The following IRAK3 variants were observed in gnomAD, a reference collection of about 807,000 sequenced individuals.
IRAK3 encodes the protein interleukin 1 receptor associated kinase 3.
IRAK3 carries 57 observed loss-of-function variants against 56.6 expected under a neutral mutation model. The ratio of observed to expected loss-of-function variants is 1.01; its 90% confidence interval spans 0.81 to 1.26. The LOEUF (loss-of-function observed/expected upper bound fraction) is 1.26, where lower values mean the gene tolerates loss of function less well. IRAK3 is among the 50% of genes most tolerant of loss of function. The pLI, the probability that IRAK3 is intolerant of heterozygous loss-of-function variation, is 0.00. For synonymous variants in IRAK3, 258 were observed against 255.7 expected (o/e 1.01, Z -0.09); for missense variants, 703 against 719.0 (o/e 0.98, Z 0.25).
intron 8 of IRAK3, chr12:66,234,389 T>C: frequency 6.2e-7 from 1 of 1,611,906 alleles, no homozygotes; most frequent in Non-Finnish European, 8.5e-7. Flanking sequence ...AGAAGGACTT[T>C]GCACCTGGTA....
chr12:66,225,814 G>A (rs1335001747), intron 6 of IRAK3, among the ~76,000 whole-genome samples: 3 of 152,016 alleles, frequency 2.0e-5, no homozygotes, highest in South Asian at 4.1e-4. Context: ...TCAATGGTAT[G>A]TTCTCAACAT....
At chr12:66,227,572 C>CT (rs1227259934) in intron 7 of IRAK3, among the ~76,000 whole-genome samples, 1 of 126,434 alleles carries the variant, frequency 7.9e-6, no homozygotes, top group African/African-American at 3.3e-5. Flanking sequence ...GAGCGAGACT[C>CT]TGTCATAAAT....
intron 11 of IRAK3, among the ~76,000 whole-genome samples, chr12:66,245,620 C>T (rs932013945): frequency 1.4e-5 from 2 of 147,792 alleles, no homozygotes; most frequent in African/African-American, 5.0e-5. Flanking sequence ...CAACCTCCAC[C>T]TCCCCAGTTC....
intron 7 of IRAK3, among the ~76,000 whole-genome samples, chr12:66,227,143 G>C (rs1274355761): frequency 3.9e-5 from 6 of 152,108 alleles, no homozygotes; most frequent in Non-Finnish European, 8.8e-5. Context: ...TGTACCTCCA[G>C]TGAGTTGGCA....
intron 7 of IRAK3, among the ~76,000 whole-genome samples, chr12:66,227,837 C>T (rs1313744559): frequency 6.6e-6 from 1 of 151,386 alleles, no homozygotes; most frequent in Non-Finnish European, 1.5e-5. Context: ...CATGATTCCT[C>T]GTTAGATGTC....
At chr12:66,212,857 A>G (rs2052626185) in intron 5 of IRAK3, among the ~76,000 whole-genome samples, 1 of 152,062 alleles carries the variant, frequency 6.6e-6, no homozygotes, top group African/African-American at 2.4e-5. Flanking sequence ...GGGGAGGGGA[A>G]CATCACACAC....
intron 5 of IRAK3, among the ~76,000 whole-genome samples, chr12:66,215,453 C>A (rs953535044): frequency 2.0e-5 from 3 of 152,136 alleles, no homozygotes; most frequent in African/African-American, 7.2e-5. Flanking sequence ...GCAATAGCAT[C>A]AAAGCATTAC....
chr12:66,246,599 G>T (rs780558590), intron 11 of IRAK3, among the ~76,000 whole-genome samples: 3 of 152,234 alleles, frequency 2.0e-5, no homozygotes, highest in Non-Finnish European at 2.9e-5. Context: ...TGGAAGCCCG[G>T]AGATCCGGTG....
intron 2 of IRAK3, among the ~76,000 whole-genome samples, chr12:66,204,778 GCACA>G (rs59511601): frequency 0.048 from 7,060 of 147,768 alleles, 172 homozygotes; most frequent in African/African-American, 0.064. Flanking sequence ...GAGCCCTTGC[GCACA>G]CACACACACA....
rs1297101700 is a variant in IRAK3, at chr12:66,248,095, G to T, written c.1715G>T (p.Cys572Phe). 6.2e-7 allele frequency: 1 copy of T among 1,602,536 alleles called. No homozygotes were observed. The highest frequency in any genetic ancestry group is 1.1e-5 in the South Asian group (1 of 89,626). The stretch of plus-strand genomic sequence containing the variant: ...TCTTCAGAAGCTCCAGGGCATTCTT[G>T]CAGGAGCAGGCCAGTGGAGAGCAGC... ...DPSSEAPGHSCRSRPVESSCS... is the reference protein window; with the variant it reads ...DPSSEAPGHSFRSRPVESSCS... Residue 572 changes from cysteine (C) to phenylalanine (F), a missense_variant, in exon 12 of 12, where the codon TGC becomes TTC. By Grantham distance (205) the Cys-to-Phe change is radical. Coordinates refer to ENST00000261233, the MANE Select transcript of IRAK3 (RefSeq NM_007199.3).
At chr12:66,234,468 T>C (rs1321223448) in intron 8 of IRAK3, 1 of 1,611,342 alleles carries the variant, frequency 6.2e-7, no homozygotes, top group South Asian at 1.1e-5. Context: ...GTAGCAATAC[T>C]GTATGGTGAA....
intron 8 of IRAK3, among the ~76,000 whole-genome samples, chr12:66,233,475 A>G (rs1193032883): frequency 6.6e-6 from 1 of 151,042 alleles, no homozygotes; most frequent in African/African-American, 2.4e-5. Context: ...CCGAGATCGC[A>G]CCACTGCACT....
At chr12:66,191,145 T>C (rs1365245443) in intron 1 of IRAK3, among the ~76,000 whole-genome samples, 1 of 152,166 alleles carries the variant, frequency 6.6e-6, no homozygotes, top group Non-Finnish European at 1.5e-5. Context: ...TGTGTCCTGA[T>C]TGGAGGCTGT....
chr12:66,199,655 C>T (rs774751347), intron 1 of IRAK3, among the ~76,000 whole-genome samples: 3 of 152,160 alleles, frequency 2.0e-5, no homozygotes, highest in East Asian at 3.8e-4. Flanking sequence ...GCTCAAACCA[C>T]ACTTAGTGCA....
chr12:66,212,705 G>T lies in IRAK3; in HGVS notation c.588+1108G>T, dbSNP rs184123704. Reference sequence around the variant, plus strand: ...TAGCAACTCTCACAGCCATAAAAAAGAATGAGTTCATGTCCTTTGTAGGGA... The same window carrying T: ...TAGCAACTCTCACAGCCATAAAAAATAATGAGTTCATGTCCTTTGTAGGGA... On this transcript the variant is annotated intron_variant, in intron 5 of 11. Transcript: ENST00000261233. Among the ~76,000 whole-genome samples the T allele has an allele frequency of 4.2e-3, 641 of 152,268 alleles. 7 individuals are homozygous for T. Among genetic ancestry groups the T allele is most frequent in the Non-Finnish European group, 7.0e-3 (479 of 68,012 alleles).
rs1315501264 is a variant in IRAK3 at position 66,248,017 on chromosome 12, A to G, written c.1637A>G (p.Lys546Arg). The change falls in exon 12 of 12, where the codon AAG (lysine) becomes AGG (arginine). Residue 546 changes from lysine to arginine, a missense_variant. Transcript: ENST00000261233. ...SSSCEESWFP[K>R]YIVPSQDLRP... ...TCTTGTGAAGAAAGTTGGTTCCCAA[A>G]GTATATAGTTCCATCCCAGGACTTA... 1.9e-6 allele frequency: 3 copies of G among 1,598,030 alleles called. No individual in the cohort carries two copies. The highest frequency in any genetic ancestry group is 2.6e-6 in the Non-Finnish European group (3 of 1,173,492).
At chr12:66,207,897 T>C (rs1011052771) in intron 2 of IRAK3, among the ~76,000 whole-genome samples, 3 of 152,208 alleles carry the variant, frequency 2.0e-5, no homozygotes, top group African/African-American at 7.2e-5. Flanking sequence ...CTTTGTATGA[T>C]TTTAATCCTT....
intron 8 of IRAK3, chr12:66,234,300 G>C: frequency 6.2e-7 from 1 of 1,612,844 alleles, no homozygotes; most frequent in South Asian, 1.1e-5. Flanking sequence ...GATGCGGGCT[G>C]TAGTGACATG....
chr12:66,215,794 A>AGTG (rs2052668828), intron 5 of IRAK3, among the ~76,000 whole-genome samples: 1 of 146,274 alleles, frequency 6.8e-6, no homozygotes, highest in African/African-American at 2.6e-5. Flanking sequence ...ATGCACACAC[A>AGTG]CACACACACA....
Sources: allele counts gnomAD v4.1 joint callset (sites outside exome capture counted in the v4.1 genomes callset), GRCh38; gene constraint gnomAD v4.1.1; transcripts MANE v1.5; gene names NCBI Gene and HGNC (gene_info 2026-07-23, HGNC 2026-07-21).